The following NXPE2 variants were observed in gnomAD, a reference collection of about 807,000 sequenced individuals.
The protein encoded by NXPE2 is neurexophilin and PC-esterase domain family member 2.
Under a neutral mutation model 34.4 loss-of-function variants are expected in NXPE2, and 34 were observed. The observed-to-expected ratio is 0.99, with a 90% CI of 0.75 to 1.31. The LOEUF (loss-of-function observed/expected upper bound fraction) is 1.31. NXPE2 is among the 40% of genes most tolerant of loss of function. NXPE2 has a pLI of 0.00. For synonymous variants in NXPE2, 235 were observed against 231.3 expected (o/e 1.02, Z -0.15); for missense variants, 649 against 672.5 (o/e 0.97, Z 0.39).
At chr11:114,657,845 T>A in the NXPE2 span, among the ~76,000 whole-genome samples, 1 of 152,162 alleles carries the variant, frequency 6.6e-6, no homozygotes, top group Non-Finnish European at 1.5e-5. Context: ...CAGCCCCAAT[T>A]TTACAGACTG....
At chr11:114,490,650 T>C in the NXPE2 span, among the ~76,000 whole-genome samples, 2 of 152,214 alleles carry the variant, frequency 1.3e-5, no homozygotes, top group Admixed American at 6.5e-5. Context: ...GCTAGCCATA[T>C]GCAGAAAGCT....
downstream of NXPE2, chr11:114,707,544 A>G (rs992265069): frequency 7.7e-6 from 2 of 258,466 alleles, no homozygotes; most frequent in Non-Finnish European, 1.6e-5. Flanking sequence ...ACCAGTGTGC[A>G]GCGCCACACC....
chr11:114,634,869 G>C, the NXPE2 span, among the ~76,000 whole-genome samples: 2 of 151,688 alleles, frequency 1.3e-5, no homozygotes, highest in African/African-American at 2.4e-5. Flanking sequence ...TACTGTAGCC[G>C]TGTAGTATAG....
chr11:114,678,643 GA>G (rs777601575), intron 1 of NXPE2, 42 bp downstream of exon 1: 5 of 1,472,768 alleles, frequency 3.4e-6, no homozygotes, highest in Non-Finnish European at 4.6e-6. Context: ...TAACGTCAGG[GA>G]AGGGAGGGGA....
intron 2 of NXPE2, among the ~76,000 whole-genome samples, chr11:114,695,469 C>T (rs1204609325): frequency 6.6e-6 from 1 of 152,080 alleles, no homozygotes; most frequent in African/African-American, 2.4e-5. Context: ...TTTCCTTACC[C>T]CCGATTGATC....
the NXPE2 span, among the ~76,000 whole-genome samples, chr11:114,543,121 T>G: frequency 6.6e-6 from 1 of 152,130 alleles, no homozygotes; most frequent in South Asian, 2.1e-4. Context: ...TTTGGGAGGC[T>G]GAGGCAGGCG....
the NXPE2 span, among the ~76,000 whole-genome samples, chr11:114,743,172 A>ATTTTCTAC: frequency 6.6e-6 from 1 of 152,182 alleles, no homozygotes; most frequent in Admixed American, 6.5e-5. Flanking sequence ...TTGGCAACTT[A>ATTTTCTAC]TATTAATAGA....
chr11:114,467,440 A>G, the NXPE2 span, among the ~76,000 whole-genome samples: 1 of 152,322 alleles, frequency 6.6e-6, no homozygotes, highest in African/African-American at 2.4e-5. Context: ...ATAGAGGCCT[A>G]GGAAATATGT....
the NXPE2 span, among the ~76,000 whole-genome samples, chr11:114,770,960 A>G: frequency 6.6e-6 from 1 of 152,196 alleles, no homozygotes; most frequent in Non-Finnish European, 1.5e-5. Flanking sequence ...GATACCTCTC[A>G]GGGTAATTTA....
chr11:114,550,045 A>G, the NXPE2 span, among the ~76,000 whole-genome samples: 3 of 152,156 alleles, frequency 2.0e-5, no homozygotes, highest in Non-Finnish European at 4.4e-5. Flanking sequence ...AAAACTCACA[A>G]AACACTACTG....
the NXPE2 span, among the ~76,000 whole-genome samples, chr11:114,632,446 A>T: frequency 7.7e-6 from 1 of 130,418 alleles, no homozygotes; most frequent in African/African-American, 2.8e-5. Flanking sequence ...ATAATATATA[A>T]TTTATAAGAG....
At chr11:114,530,263 G>A in the NXPE2 span, 4 of 1,613,984 alleles carry the variant, frequency 2.5e-6, no homozygotes, top group African/African-American at 5.3e-5. Flanking sequence ...CAGGGCATGT[G>A]TTGAGGCTTC....
the NXPE2 span, among the ~76,000 whole-genome samples, chr11:114,613,211 A>T: frequency 6.6e-6 from 1 of 151,912 alleles, no homozygotes; most frequent in Admixed American, 6.6e-5. Context: ...CCTGGTGGAT[A>T]ATACTTGTTG....
chr11:114,779,441 G>A, the NXPE2 span, among the ~76,000 whole-genome samples: 1 of 152,254 alleles, frequency 6.6e-6, no homozygotes, highest in South Asian at 2.1e-4. Flanking sequence ...GAGGGAGGCC[G>A]AAATGGGAAT....
At chr11:114,523,130 A>G in the NXPE2 span, 10 of 1,439,472 alleles carry the variant, frequency 6.9e-6, no homozygotes, top group South Asian at 6.9e-5. Flanking sequence ...TTATTGGCAA[A>G]ACTTAGACAT....
chr11:114,528,492 A>G, the NXPE2 span, among the ~76,000 whole-genome samples: 1 of 152,124 alleles, frequency 6.6e-6, no homozygotes, highest in Non-Finnish European at 1.5e-5. Context: ...GACTTTTCTG[A>G]CAAACTTGCT....
the NXPE2 span, chr11:114,527,900 A>T: frequency 1.3e-6 from 2 of 1,547,268 alleles, no homozygotes; most frequent in Non-Finnish European, 1.7e-6. Context: ...CCCACTTTGG[A>T]CCTTCAAAAA....
At chr11:114,517,952 T>G in the NXPE2 span, 1 of 152,358 alleles carries the variant, frequency 6.6e-6, no homozygotes, top group Non-Finnish European at 1.5e-5. Flanking sequence ...TGCCATGGAT[T>G]ACAAAGTGAC....
At chr11:114,804,481 T>C in the NXPE2 span, among the ~76,000 whole-genome samples, 1 of 152,254 alleles carries the variant, frequency 6.6e-6, no homozygotes, top group Non-Finnish European at 1.5e-5. Flanking sequence ...TTGTGGACTG[T>C]CTGTTCACCA....
Sources: gnomAD v4.1 joint callset for allele counts (sites outside exome capture counted in the v4.1 genomes callset) on GRCh38, gnomAD v4.1.1 for gene constraint, MANE v1.5 for transcripts, NCBI Gene and HGNC (gene_info 2026-07-23, HGNC 2026-07-21) for gene names.